The following PEX6 variants were observed in gnomAD, a reference collection of about 807,000 sequenced individuals.
PEX6 encodes peroxisomal biogenesis factor 6.
PEX6 carries 55 observed loss-of-function variants against 85.6 expected under a neutral mutation model. That is an observed-to-expected ratio of 0.64 (90% confidence interval 0.52 to 0.80). The LOEUF (loss-of-function observed/expected upper bound fraction) is 0.80, where lower values mean the gene tolerates loss of function less well. PEX6 is among the 30% of genes least tolerant of loss of function. The pLI, the probability that PEX6 is intolerant of heterozygous loss-of-function variation, is 0.00. For missense variants in PEX6, 1,099 were observed against 1,260.3 expected (o/e 0.87, Z 1.94); for synonymous variants, 519 against 549.1 (o/e 0.95, Z 0.77).
chr6:42,969,079 C>T lies in PEX6; in HGVS notation c.1368-94G>A, dbSNP rs1169508993. ...ATCCCTTAGATCTAGAAAGCAGATACCCTGTTTTTCTCTCCTTGAGCCTCC... is the reference window on the plus strand; with the variant it reads ...ATCCCTTAGATCTAGAAAGCAGATATCCTGTTTTTCTCTCCTTGAGCCTCC... On this transcript the variant is annotated intron_variant, in intron 5 of 16. Coordinates refer to ENST00000304611, the MANE Select transcript of PEX6 (RefSeq NM_000287.4). 22 of 860,728 alleles carry T rather than the reference C, an allele frequency of 2.6e-5. No homozygotes were observed. In the South Asian group the frequency reaches 3.1e-4, roughly 12 times the overall value. 53.3% of individuals were successfully genotyped at this position (860,728 alleles called of 1,614,324 possible). A position where few individuals can be genotyped will look rare whatever the true frequency, so the allele number is the denominator to read the frequency against.
intron 7 of PEX6, among the ~76,000 whole-genome samples, 176 bp from the exon 8 acceptor site, chr6:42,967,739 T>C (rs1273235155): frequency 2.0e-5 from 3 of 151,910 alleles, no homozygotes; most frequent in Non-Finnish European, 2.9e-5. Context: ...CCCCATCACA[T>C]TGAGGGCAGA....
intron 2 of PEX6, among the ~76,000 whole-genome samples, chr6:42,974,456 T>C: frequency 8.2e-6 from 1 of 121,604 alleles, no homozygotes; most frequent in East Asian, 2.1e-4. Context: ...TTTTTGTTTT[T>C]TTTTTTTTTT....
chr6:42,976,051 A>AT (rs575675085), intron 1 of PEX6, among the ~76,000 whole-genome samples: 6,420 of 143,626 alleles, frequency 0.045, 357 homozygotes, highest in African/African-American at 0.14. Flanking sequence ...ACCACACCTA[A>AT]TTTTTTTTTT....
Position 42,978,793 on chromosome 6 carries a change from C to T in PEX6, c.358G>A (p.Val120Ile), listed in dbSNP as rs918929371. ...TSLGPGLGPR[V>I]GPLLVRRGET... ...CCGCGCCTCACCAGCAGCGGCCCGA[C>T]TCGCGGTCCGAGCCCAGGCCCCAGC... is the stretch of plus-strand genomic sequence containing the variant. Residue 120 changes from valine (V) to isoleucine (I), a missense_variant, in exon 1 of 17, where the codon GTC (valine) becomes ATC (isoleucine). This residue lies in a region of PEX6 where 579 missense variants were observed against 611.6 expected (regional missense o/e 0.95). Transcript: ENST00000304611. 13 of 1,534,006 alleles carry T rather than the reference C, an allele frequency of 8.5e-6. No homozygotes were observed. Among genetic ancestry groups the T allele is most frequent in the Admixed American group, 2.0e-5 (1 of 50,944 alleles).
chr6:42,966,230 C>A lies in PEX6; in HGVS notation c.2300+12G>T. 1 of 1,611,282 alleles carries A rather than the reference C, an allele frequency of 6.2e-7. No homozygotes were observed. On this transcript the variant is annotated intron_variant, in intron 11 of 16. Coordinates refer to ENST00000304611, the MANE Select transcript of PEX6 (RefSeq NM_000287.4). ...TGATCCACCCACCATCCCTTCCAGG[C>A]CCCCTGGCCACCTGAGGAAGGTAAG...
At chr6:42,976,715 T>C (rs1770314858) in intron 1 of PEX6, among the ~76,000 whole-genome samples, 1 of 152,162 alleles carries the variant, frequency 6.6e-6, no homozygotes, top group Non-Finnish European at 1.5e-5. Flanking sequence ...TTATGTCTGT[T>C]ATGGCGAACT....
At chr6:42,977,234 A>G (rs536085118) in intron 1 of PEX6, among the ~76,000 whole-genome samples, 1 of 150,920 alleles carries the variant, frequency 6.6e-6, no homozygotes, top group Admixed American at 6.6e-5. Flanking sequence ...AGATTAACAT[A>G]CACATCTGAA....
At position 42,965,078 on chromosome 6, in the gene PEX6, C is replaced by T. The variant is rs267608247; in HGVS notation, c.2663G>A (p.Arg888His). 14 of 1,613,968 alleles carry T rather than the reference C, an allele frequency of 8.7e-6. No homozygotes were observed. Among genetic ancestry groups the T allele is most frequent in the African/African-American group, 8.0e-5 (6 of 74,932 alleles). Reference sequence around the variant, plus strand: ...GTCTTCCTCTAACAGAGCATACTTGCGTGTGATGGCACTTAGAACGCGTAG... The same window carrying T: ...GTCTTCCTCTAACAGAGCATACTTGTGTGTGATGGCACTTAGAACGCGTAG... ...SQLRVLSAIT[R>H]KFKLEPSVSL... The change falls in exon 15 of 17, where the codon CGC becomes CAC. Residue 888 changes from arginine (R) to histidine (H), a missense_variant. Arg to His is a conservative substitution (Grantham distance 29). This residue lies in a region of PEX6 where 514 missense variants were observed against 627.0 expected (regional missense o/e 0.82). Coordinates refer to ENST00000304611, the MANE Select transcript of PEX6 (RefSeq NM_000287.4). This position sits in a 1 kb window ranked among gnomAD's most constrained non-coding sequence, Gnocchi z 5.0.
At chr6:42,969,344 T>G (rs1181272401) in intron 5 of PEX6, among the ~76,000 whole-genome samples, 1 of 152,166 alleles carries the variant, frequency 6.6e-6, no homozygotes, top group Non-Finnish European at 1.5e-5. Context: ...TGAGGAGTTG[T>G]GTCCTTCAGG....
chr6:42,976,114 A>T (rs1014337090), intron 1 of PEX6, among the ~76,000 whole-genome samples: 11 of 151,560 alleles, frequency 7.3e-5, no homozygotes, highest in African/African-American at 2.7e-4. Flanking sequence ...GGATGGTCTC[A>T]ATCTCCTGAC....
chr6:42,967,638 G>A (rs958411750), intron 7 of PEX6, 75 bp from the exon 8 acceptor site: 7 of 1,382,484 alleles, frequency 5.1e-6, no homozygotes, highest in Admixed American at 2.0e-5. Flanking sequence ...TCCCAAAGTC[G>A]GCACAGAAGG....
chr6:42,975,785 A>G (rs1770270913), intron 1 of PEX6, among the ~76,000 whole-genome samples: 2 of 150,818 alleles, frequency 1.3e-5, no homozygotes, highest in South Asian at 4.2e-4. Context: ...GTCTCGGCTC[A>G]TTGCAACCTC....
chr6:42,970,078 A>G, intron 3 of PEX6, 91 bp from the exon 4 acceptor site: 2 of 971,920 alleles, frequency 2.1e-6, no homozygotes, highest in South Asian at 1.3e-5. Flanking sequence ...AGGACAAACA[A>G]AAGCACCACA....
chr6:42,974,527 G>A (rs1770201553), intron 2 of PEX6, among the ~76,000 whole-genome samples: 3 of 138,700 alleles, frequency 2.2e-5, no homozygotes, highest in South Asian at 4.5e-4. Flanking sequence ...GTGCGATCTC[G>A]GCTCACTGCA....
In PEX6 at chr6:42,966,499, C is replaced by A; in HGVS notation, c.2094+26G>T. On this transcript the variant is annotated intron_variant, in intron 10 of 16. Coordinates refer to ENST00000304611, the MANE Select transcript of PEX6 (RefSeq NM_000287.4). The stretch of plus-strand genomic sequence containing the variant: ...GATATGCTCTTGGAGGGGCTCCTGT[C>A]CCACCTCCAAGGACTTGGTCTCCAC... 6.2e-7 allele frequency: 1 copy of A among 1,614,146 alleles called. No homozygotes were observed. The highest frequency in any genetic ancestry group is 8.5e-7 in the Non-Finnish European group (1 of 1,180,030).
intron 3 of PEX6, among the ~76,000 whole-genome samples, chr6:42,970,258 A>T (rs1374367415): frequency 3.9e-5 from 6 of 152,112 alleles, no homozygotes; most frequent in Non-Finnish European, 8.8e-5. Context: ...TGGCCTACCC[A>T]CCCACACCAA....
At chr6:42,974,773 T>A (rs571571783) in intron 2 of PEX6, 102 bp downstream of exon 2, 3 of 1,122,466 alleles carry the variant, frequency 2.7e-6, no homozygotes, top group East Asian at 2.3e-5. Flanking sequence ...AAATGTGGCT[T>A]CTTTTAACCA....
intron 1 of PEX6, among the ~76,000 whole-genome samples, chr6:42,976,056 T>A (rs1349992428): frequency 6.6e-6 from 1 of 151,914 alleles, no homozygotes; most frequent in Non-Finnish European, 1.5e-5. Context: ...ACCTAATTTT[T>A]TTTTTTTTTG....
chr6:42,979,045 G>T lies in PEX6; in HGVS notation c.106C>A (p.Leu36Met), dbSNP rs758416830. The T allele has an allele frequency of 2.0e-6, 3 of 1,534,176 alleles. No individual in the cohort carries two copies. Among genetic ancestry groups the T allele is most frequent in the Non-Finnish European group, 2.6e-6 (3 of 1,146,894 alleles). ...CCTGCAGGCCTCAGGGCCAGCACCA[G>T]GCCCAGCTCCGCCGCCGGCCACGGG... ...GGPWPAAELG[L>M]VLALRPAGES... is the part of the protein sequence containing the mutation. Residue 36 changes from leucine (L) to methionine (M), a missense_variant, in exon 1 of 17, where the codon CTG (leucine) becomes ATG (methionine). By Grantham distance (15) the Leu-to-Met change is conservative (BLOSUM62 2). Coordinates refer to ENST00000304611, the MANE Select transcript of PEX6 (RefSeq NM_000287.4).
Sources: gnomAD v4.1 joint callset for allele counts (sites outside exome capture counted in the v4.1 genomes callset) on GRCh38, gnomAD v4.1.1 for gene constraint, gnomAD v4.1.1 regional missense constraint, Gnocchi (gnomAD v3.1) non-coding constraint, MANE v1.5 for transcripts, NCBI Gene and HGNC (gene_info 2026-07-23, HGNC 2026-07-21) for gene names.